Variants in LRRFIP2 observed in about 807,000 individuals in gnomAD.
LRRFIP2 encodes leucine-rich repeat flightless-interacting protein 2.
Under a neutral mutation model 125.9 loss-of-function variants are expected in LRRFIP2, and 109 were observed. The ratio of observed to expected loss-of-function variants is 0.87; its 90% confidence interval spans 0.74 to 1.01. The LOEUF (loss-of-function observed/expected upper bound fraction) is 1.01, where lower values mean the gene tolerates loss of function less well. Ranked by LOEUF, LRRFIP2 falls within the 50% of genes least tolerant of loss-of-function variation. The probability of loss-of-function intolerance (pLI) is 0.00; values close to 1 mark genes in which losing one functional copy is unlikely to be tolerated. For missense variants in LRRFIP2, 850 were observed against 862.3 expected, an observed-to-expected ratio of 0.99 and a Z score of 0.18; for synonymous variants, 291 against 293.1, an observed-to-expected ratio of 0.99 and a Z score of 0.07.
In LRRFIP2 at chr3:37,078,561, G is replaced by T. The variant is rs979971924; in HGVS notation, c.1279-3445C>A. ...AGAGGTTAAATAACCCTAGAGTCCT[G>T]CATGTGAACTGGAACTATCAGCAAG... On this transcript the variant is annotated intron_variant, in intron 19 of 27. Coordinates refer to ENST00000336686, the MANE Select transcript of LRRFIP2 (RefSeq NM_006309.4). Among the ~76,000 whole-genome samples the T allele has an allele frequency of 3.3e-5, 5 of 152,228 alleles. No individual in the cohort carries two copies. In the East Asian group the frequency reaches 7.7e-4, roughly 24 times the overall value.
intron 1 of LRRFIP2, among the ~76,000 whole-genome samples, chr3:37,149,799 G>A (rs779113472): frequency 2.7e-5 from 4 of 150,480 alleles, no homozygotes; most frequent in African/African-American, 7.4e-5. Context: ...CCAGGAGTTC[G>A]AGACCAGCCT....
At chr3:37,164,068 T>C (rs2096413638) in intron 1 of LRRFIP2, among the ~76,000 whole-genome samples, 1 of 152,198 alleles carries the variant, frequency 6.6e-6, no homozygotes, top group East Asian at 1.9e-4. Context: ...AATGGATGGA[T>C]GGATAGATAC....
At chr3:37,063,654 TA>T (rs1462366960) in intron 24 of LRRFIP2, 87 bp downstream of exon 24, 13 of 960,756 alleles carry the variant, frequency 1.4e-5, no homozygotes, top group East Asian at 7.2e-5. Flanking sequence ...GAAAGAAGCA[TA>T]TTTTTTTAAT....
chr3:37,154,028 A>G (rs1560102111), intron 1 of LRRFIP2, among the ~76,000 whole-genome samples: 1 of 152,100 alleles, frequency 6.6e-6, no homozygotes, highest in Non-Finnish European at 1.5e-5. Context: ...AAAAAAAATT[A>G]TCCAGACATG....
In LRRFIP2 at chr3:37,101,364, A is replaced by T. The variant is rs552811125; in HGVS notation, c.873+1560T>A. ...AGAGTGAGACTCCGTCTCAAAAAAAAAAAAAAGAAAGAAATGTTGGCCAGA... is the reference window on the plus strand; with the variant it reads ...AGAGTGAGACTCCGTCTCAAAAAAATAAAAAAGAAAGAAATGTTGGCCAGA... On this transcript the variant is annotated intron_variant, in intron 15 of 27. Coordinates refer to ENST00000336686, the MANE Select transcript of LRRFIP2 (RefSeq NM_006309.4). 7.7e-4 allele frequency among the ~76,000 whole-genome samples: 117 copies of T among 151,866 alleles called. 1 individual carries two copies. The Middle Eastern group carries it at 0.021, about 27-fold the overall frequency.
At chr3:37,137,464 C>T (rs2095586574) in intron 2 of LRRFIP2, among the ~76,000 whole-genome samples, 1 of 152,148 alleles carries the variant, frequency 6.6e-6, no homozygotes, top group African/African-American at 2.4e-5. Context: ...TATCCTTAGA[C>T]AAATCATAAA....
intron 15 of LRRFIP2, among the ~76,000 whole-genome samples, chr3:37,099,138 A>G (rs2093887559): frequency 6.6e-6 from 1 of 152,252 alleles, no homozygotes; most frequent in Non-Finnish European, 1.5e-5. Context: ...TTGTCAAGCC[A>G]GCAAAAATTA....
intron 25 of LRRFIP2, among the ~76,000 whole-genome samples, chr3:37,055,740 C>G (rs1321671134): frequency 6.6e-6 from 1 of 152,132 alleles, no homozygotes; most frequent in African/African-American, 2.4e-5. Context: ...GTGAGCAGGG[C>G]TTGAGAAAGG....
At chr3:37,099,755 G>A (rs2093918534) in intron 15 of LRRFIP2, among the ~76,000 whole-genome samples, 1 of 152,154 alleles carries the variant, frequency 6.6e-6, no homozygotes, top group Admixed American at 6.6e-5. Context: ...TAAAGCCAAT[G>A]TAGAAGAAAA....
chr3:37,057,175 A>G (rs563717844), intron 25 of LRRFIP2, among the ~76,000 whole-genome samples: 2 of 152,244 alleles, frequency 1.3e-5, no homozygotes, highest in African/African-American at 4.8e-5. Flanking sequence ...TACCAGCTAT[A>G]CAACAACCTA....
At position 37,112,981 on chromosome 3, in the gene LRRFIP2, C is replaced by A; in HGVS notation, c.373-1G>T. 1 of 1,556,332 alleles carries A rather than the reference C, an allele frequency of 6.4e-7. No homozygotes were observed. Among genetic ancestry groups the A allele is most frequent in the South Asian group, 1.2e-5 (1 of 86,772 alleles). On this transcript the variant is annotated splice_acceptor_variant, in intron 7 of 27. Transcript: ENST00000336686. LOFTEE classifies it high-confidence loss of function. ...CATGAGAGTGACTGTAAGAATGATT[C>A]TGGAAGTAAATATTCCAAGTTAACT...
intron 1 of LRRFIP2, among the ~76,000 whole-genome samples, chr3:37,162,155 C>CAAAAAAAAAA (rs71091697): frequency 1.4e-5 from 1 of 74,006 alleles, no homozygotes; most frequent in African/African-American, 5.8e-5. Context: ...GACCCTGTCT[C>CAAAAAAAAAA]AAAAAAAAAA....
At chr3:37,163,968 T>A (rs2096411361) in intron 1 of LRRFIP2, among the ~76,000 whole-genome samples, 1 of 152,262 alleles carries the variant, frequency 6.6e-6, no homozygotes, top group Admixed American at 6.5e-5. Context: ...CCTAAAACTG[T>A]ATTTTTGTTT....
At chr3:37,055,268 G>T in intron 25 of LRRFIP2, 103 bp from the exon 26 acceptor site, 1 of 681,004 alleles carries the variant, frequency 1.5e-6, no homozygotes, top group Non-Finnish European at 2.4e-6. Context: ...GCAGTCTTAA[G>T]ATTACAAAAT....
chr3:37,055,235 C>T (rs780800429), intron 25 of LRRFIP2, 70 bp from the exon 26 acceptor site: 28 of 889,860 alleles, frequency 3.1e-5, no homozygotes, highest in Non-Finnish European at 4.9e-5. Flanking sequence ...CAGGCAGTAC[C>T]TCTGTGGCAC....
chr3:37,161,817 T>TAGAAAATAAGAAAGAAAAATATATA (rs2096354043), intron 1 of LRRFIP2, among the ~76,000 whole-genome samples: 1 of 130,772 alleles, frequency 7.6e-6, no homozygotes, highest in Admixed American at 7.5e-5. Flanking sequence ...GAGAGAGAGG[T>TAGAAAATAAGAAAGAAAAATATATA]AGAAAATAAG....
intron 24 of LRRFIP2, among the ~76,000 whole-genome samples, chr3:37,061,568 T>C (rs976500476): frequency 3.3e-5 from 5 of 151,904 alleles, no homozygotes; most frequent in African/African-American, 1.2e-4. Context: ...TTTTTGTATA[T>C]TTTTAGTAGA....
At chr3:37,089,102 T>C (rs1220608681) in intron 18 of LRRFIP2, among the ~76,000 whole-genome samples, 2 of 152,138 alleles carry the variant, frequency 1.3e-5, no homozygotes, top group African/African-American at 4.8e-5. Context: ...AAGTTTTCAG[T>C]CACTATAGAT....
Position 37,102,551 on chromosome 3 carries a change from T to C in LRRFIP2, c.873+373A>G, listed in dbSNP as rs1368053278. Among the ~76,000 whole-genome samples, 3 of 149,422 alleles carry C rather than the reference T, an allele frequency of 2.0e-5. No individual in the cohort carries two copies. The East Asian group carries it at 5.9e-4, about 29-fold the overall frequency. On this transcript the variant is annotated intron_variant, in intron 15 of 27. Coordinates refer to ENST00000336686, the MANE Select transcript of LRRFIP2 (RefSeq NM_006309.4). Reference sequence around the variant, plus strand: ...TCTCACTCTGTTGCCCAGGATACAGTGCAGTGGTGTGGTCTCGGCTCACTG... The same window carrying C: ...TCTCACTCTGTTGCCCAGGATACAGCGCAGTGGTGTGGTCTCGGCTCACTG...
Sources: gnomAD v4.1 joint callset for allele counts (sites outside exome capture counted in the v4.1 genomes callset) on GRCh38, gnomAD v4.1.1 for gene constraint, MANE v1.5 for transcripts, NCBI Gene and HGNC (gene_info 2026-07-23, HGNC 2026-07-21) for gene names.